Variants in STRA6 observed in about 807,000 individuals in gnomAD.
The protein encoded by STRA6 is signaling receptor and transporter of retinol STRA6, also known as receptor for retinol uptake STRA6.
Under a neutral mutation model 83.6 loss-of-function variants are expected in STRA6, and 48 were observed. That is an observed-to-expected ratio of 0.57 (90% CI 0.46 to 0.73). STRA6 has a LOEUF of 0.73. STRA6 is among the 30% of genes least tolerant of loss of function. The pLI, the probability that STRA6 is intolerant of heterozygous loss-of-function variation, is 0.00. For synonymous variants in STRA6, 353 were observed against 362.3 expected (o/e 0.97, Z 0.29); for missense variants, 760 against 838.8 (o/e 0.91, Z 1.16).
At chr15:74,195,016 G>A (rs1418100117) in intron 7 of STRA6, 11 of 1,434,382 alleles carry the variant, frequency 7.7e-6, no homozygotes, top group East Asian at 2.5e-5. Context: ...CATTGGGGGT[G>A]GGGGCCATTT....
intron 4 of STRA6, 26 bp downstream of exon 4, chr15:74,197,312 G>A (rs2073862156): frequency 6.5e-7 from 1 of 1,528,980 alleles, no homozygotes; most frequent in Non-Finnish European, 8.9e-7. Context: ...TCCCCTGAGT[G>A]GGGGTGCCCA....
At chr15:74,208,784 C>T (rs2142117607) in intron 1 of STRA6, 2 of 988,896 alleles carry the variant, frequency 2.0e-6, no homozygotes, top group African/African-American at 1.7e-5. Flanking sequence ...GCCTCCCAGA[C>T]TTGGCTCCAG....
upstream of STRA6, chr15:74,207,675 G>C (rs1292713965): frequency 6.5e-7 from 1 of 1,532,156 alleles, no homozygotes; most frequent in African/African-American, 1.4e-5. Flanking sequence ...TCCAGGAGTG[G>C]GGGGATGGCC....
In STRA6 at chr15:74,193,859, G is replaced by A. The variant is rs758422640; in HGVS notation, c.661C>T (p.Leu221Phe). Reference protein sequence around the residue: ...PLLLGLGFLSLWYPVQLVRSF... With the variant: ...PLLLGLGFLSFWYPVQLVRSF... Reference sequence around the variant, plus strand: ...CTCACCAGCTGCACAGGGTACCAAAGGCTCAGGAATCCGAGGCCCAGCAGG... The same window carrying A: ...CTCACCAGCTGCACAGGGTACCAAAAGCTCAGGAATCCGAGGCCCAGCAGG... The change falls in exon 8 of 19, where the codon CTT (leucine) becomes TTT (phenylalanine). Residue 221 changes from leucine (L) to phenylalanine (F), a missense_variant. Transcript: ENST00000395105. The A allele has an allele frequency of 6.2e-7, 1 of 1,613,974 alleles. No individual in the cohort carries two copies. The highest frequency in any genetic ancestry group is 8.5e-7 in the Non-Finnish European group (1 of 1,179,902).
intron 2 of STRA6, among the ~76,000 whole-genome samples, chr15:74,199,672 A>G (rs780471521): frequency 2.4e-4 from 36 of 152,156 alleles, no homozygotes; most frequent in Non-Finnish European, 5.1e-4. Flanking sequence ...GTATCACCTG[A>G]GGTCCCCATC....
chr15:74,183,829 T>C lies in STRA6; in HGVS notation c.1300+27A>G, dbSNP rs74365804. The C allele has an allele frequency of 0.012, 18,660 of 1,613,822 alleles. 128 individuals carry two copies. Among genetic ancestry groups the C allele is most frequent in the Non-Finnish European group, 0.014 (16,811 of 1,179,996 alleles). ...TCTGAGGGGAGGCCCAGGCCAAGGC[T>C]GGGTGTGGCGGGCAAGGGAGGCTCA... On this transcript the variant is annotated intron_variant, in intron 14 of 18. Transcript: ENST00000395105.
chr15:74,190,600 C>A (rs938524521), intron 11 of STRA6, among the ~76,000 whole-genome samples: 1 of 152,162 alleles, frequency 6.6e-6, no homozygotes. Flanking sequence ...AATAGTGGAG[C>A]TAGGATTTAA....
At position 74,196,119 on chromosome 15, in the gene STRA6, G is replaced by T. The variant is rs574707530; in HGVS notation, c.295C>A (p.Pro99Thr). ...SPVDFLAGDR[P>T]RAVPAAVFMV... is the part of the protein sequence containing the mutation. ...AAAACAGCAGCAGGCACTGCCCGGG[G>T]CCTGTCCCCAGCCAAGAAATCCACA... is the stretch of plus-strand genomic sequence containing the variant. Residue 99 changes from proline to threonine, a missense_variant, in exon 5 of 19, where the codon CCC becomes ACC. Pro to Thr is a conservative substitution (Grantham distance 38). Transcript: ENST00000395105. 6 of 1,613,896 alleles carry T rather than the reference G, an allele frequency of 3.7e-6. No homozygotes were observed. The highest frequency in any genetic ancestry group is 2.7e-5 in the African/African-American group (2 of 75,004).
rs776639023 is a variant in STRA6, at chr15:74,191,127, C to T, written c.865+40G>A. Reference sequence around the variant, plus strand: ...AGCCATTCTGTGCAAGGGAGGGTAACGTCCCCTGTCACGCTCGGCCTCAGC... The same window carrying T: ...AGCCATTCTGTGCAAGGGAGGGTAATGTCCCCTGTCACGCTCGGCCTCAGC... On this transcript the variant is annotated intron_variant, in intron 10 of 18. Coordinates refer to ENST00000395105, the MANE Select transcript of STRA6 (RefSeq NM_022369.4). 12 of 1,609,254 alleles carry T rather than the reference C, an allele frequency of 7.5e-6. 1 individual carries two copies. The highest frequency in any genetic ancestry group is 5.6e-5 in the South Asian group (5 of 90,036).
rs766535584 is a variant in STRA6 at position 74,195,647 on chromosome 15, G to A, written c.430+5C>T. Reference sequence around the variant, plus strand: ...GTCTCAACTCTGTGATCTTGGGCAAGTTACCTCTTGGAGCCTCAGTTTTCC... The same window carrying A: ...GTCTCAACTCTGTGATCTTGGGCAAATTACCTCTTGGAGCCTCAGTTTTCC... On this transcript the variant is annotated splice_donor_5th_base_variant and intron_variant, in intron 6 of 18. Coordinates refer to ENST00000395105, the MANE Select transcript of STRA6 (RefSeq NM_022369.4). 2.0e-6 allele frequency: 3 copies of A among 1,514,852 alleles called. No homozygotes were observed. The African/African-American group carries it at 4.1e-5, about 21-fold the overall frequency. 93.8% of individuals were successfully genotyped at this position (1,514,852 alleles called of 1,614,324 possible).
chr15:74,183,761 G>A, intron 14 of STRA6, 95 bp downstream of exon 14: 2 of 1,606,216 alleles, frequency 1.2e-6, no homozygotes, highest in Non-Finnish European at 1.7e-6. Flanking sequence ...AAACTCTGAG[G>A]GCAGTACTTG....
At chr15:74,184,874 C>T (rs533629350) in intron 13 of STRA6, 106 bp downstream of exon 13, 25 of 1,157,338 alleles carry the variant, frequency 2.2e-5, no homozygotes, top group South Asian at 1.6e-4. Context: ...CAGCCCGGGC[C>T]GGCAGAGCCC....
intron 12 of STRA6, among the ~76,000 whole-genome samples, chr15:74,187,989 C>G (rs2073339104): frequency 6.6e-6 from 1 of 152,158 alleles, no homozygotes; most frequent in South Asian, 2.1e-4. Flanking sequence ...TGCCTATGAA[C>G]CAGATTGCAA....
At position 74,197,798 on chromosome 15, in the gene STRA6, G is replaced by C. The variant is rs757832815; in HGVS notation, c.134C>G (p.Thr45Ser). Reference sequence around the variant, plus strand: ...GTGGTACAGGCCGGGTGGTATGCTGGTGTGGCAGGAGGGCACTTCCCTGCA... The same window carrying C: ...GTGGTACAGGCCGGGTGGTATGCTGCTGTGGCAGGAGGGCACTTCCCTGCA... The part of the protein sequence containing the change: ...QPEGEVPSCH[T>S]SIPPGLYHAC... The change falls in exon 3 of 19, where the codon ACC becomes AGC. Residue 45 changes from threonine (T) to serine (S), a missense_variant. Thr to Ser is a moderately conservative substitution (Grantham distance 58, BLOSUM62 1). Transcript: ENST00000395105. The C allele has an allele frequency of 6.2e-7, 1 of 1,613,424 alleles. No individual in the cohort carries two copies. The highest frequency in any genetic ancestry group is 2.2e-5 in the East Asian group (1 of 44,888).
At chr15:74,208,926 C>G (rs1445633871) in exon 1 of STRA6, 42 of 995,544 alleles carry the variant, frequency 4.2e-5, no homozygotes, top group Non-Finnish European at 4.8e-5. Context: ...TCCTCTGAGC[C>G]CAGCACCAGC....
chr15:74,181,289 C>T lies in STRA6; in HGVS notation c.1684+6G>A. On this transcript the variant is annotated splice_donor_region_variant and intron_variant, in intron 17 of 18. Transcript: ENST00000395105. Reference sequence around the variant, plus strand: ...GCAATCCTCCAGCCCCGCCCAGTGACCTTACCGGGGTCGAGAGTGGCGGCT... The same window carrying T: ...GCAATCCTCCAGCCCCGCCCAGTGATCTTACCGGGGTCGAGAGTGGCGGCT... 1 of 1,612,910 alleles carries T rather than the reference C, an allele frequency of 6.2e-7. No individual in the cohort carries two copies. Among genetic ancestry groups the T allele is most frequent in the South Asian group, 1.1e-5 (1 of 91,024 alleles).
At chr15:74,194,029 G>A in intron 7 of STRA6, 107 bp from the exon 8 acceptor site, 1 of 1,548,502 alleles carries the variant, frequency 6.5e-7, no homozygotes. Flanking sequence ...GGGTGGTCTG[G>A]GGGGCCATGG....
In STRA6 at chr15:74,196,661, A is replaced by G. The variant is rs1185585957; in HGVS notation, c.267-514T>C. ...CTGAGAGGTTCATTCTCCCTCAAAC[A>G]CTGCCCCAGCCAGGGCAAGCTCTTT... On this transcript the variant is annotated intron_variant, in intron 4 of 18. Coordinates refer to ENST00000395105, the MANE Select transcript of STRA6 (RefSeq NM_022369.4). 2.0e-5 allele frequency among the ~76,000 whole-genome samples: 3 copies of G among 152,218 alleles called. No homozygotes were observed. The East Asian group carries it at 5.8e-4, about 29-fold the overall frequency.
exon 1 of STRA6, chr15:74,208,996 T>A: frequency 5.9e-6 from 6 of 1,024,838 alleles, no homozygotes; most frequent in Non-Finnish European, 7.0e-6. Context: ...CCCTGAGAAG[T>A]GTCCCCAGCA....
Sources: allele counts gnomAD v4.1 joint callset (sites outside exome capture counted in the v4.1 genomes callset), GRCh38; gene constraint gnomAD v4.1.1; transcripts MANE v1.5; gene names NCBI Gene and HGNC (gene_info 2026-07-23, HGNC 2026-07-21).